Variants in CNTN5 observed in about 807,000 individuals in gnomAD.
The protein encoded by CNTN5 is contactin 5.
In CNTN5, 77 loss-of-function variants were observed where a neutral mutation model predicts 129.1. The observed-to-expected ratio is 0.60, with a 90% CI of 0.50 to 0.72. CNTN5 has a LOEUF of 0.72. Among genes scored for constraint, CNTN5 ranks in the 30% least tolerant of loss-of-function variants. The pLI is 0.00. For missense variants in CNTN5, 1,478 were observed against 1,328.8 expected (o/e 1.11, Z -1.75); for synonymous variants, 509 against 465.6 (o/e 1.09, Z -1.20).
intron 3 of CNTN5, among the ~76,000 whole-genome samples, chr11:99,665,478 A>ATTTTTTTTTTTTTTTTTTTTTTTTTTTTT (rs34435537): frequency 1.5e-5 from 1 of 65,920 alleles, no homozygotes; most frequent in African/African-American, 5.1e-5. Context: ...TGAAACTACA[A>ATTTTTTTTTTTTTTTTTTTTTTTTTTTTT]TTTTTTTTTT....
chr11:100,198,528 T>G (rs543133891), intron 15 of CNTN5, among the ~76,000 whole-genome samples: 5 of 151,792 alleles, frequency 3.3e-5, no homozygotes, highest in Non-Finnish European at 7.4e-5. Flanking sequence ...AGCATTAGAA[T>G]AGTCAAAGAA....
intron 3 of CNTN5, among the ~76,000 whole-genome samples, chr11:99,624,020 C>G (rs1951045208): frequency 6.6e-6 from 1 of 152,018 alleles, no homozygotes; most frequent in Non-Finnish European, 1.5e-5. Context: ...AATTGTATCT[C>G]AATATACTAA....
At position 100,335,761 on chromosome 11, in the gene CNTN5, C is replaced by A. The variant is rs530978630; in HGVS notation, c.2731-4702C>A. Among the ~76,000 whole-genome samples the A allele has an allele frequency of 9.3e-5, 13 of 140,098 alleles. No individual in the cohort carries two copies. In the East Asian group the frequency reaches 2.5e-3, roughly 27 times the overall value. 91.9% of individuals were successfully genotyped at this position (140,098 alleles called of 152,430 possible). A position where few individuals can be genotyped will look rare whatever the true frequency, so the allele number is the denominator to read the frequency against. On this transcript the variant is annotated intron_variant, in intron 21 of 24. Transcript: ENST00000524871. ...CCAGCCTGGGCAATAGCGTGAGACT[C>A]CATCTCAAAAAAAAAAAGCCATTCT...
At chr11:100,084,758 A>G (rs761047643) in intron 13 of CNTN5, among the ~76,000 whole-genome samples, 2 of 152,092 alleles carry the variant, frequency 1.3e-5, no homozygotes, top group Admixed American at 6.6e-5. Flanking sequence ...TTACTATGTT[A>G]TTAGTTAATA....
chr11:99,664,652 A>C (rs2135927707), intron 3 of CNTN5, among the ~76,000 whole-genome samples: 1 of 152,358 alleles, frequency 6.6e-6, no homozygotes, highest in African/African-American at 2.4e-5. Context: ...TAAGGAACAA[A>C]TACTTTGTTG....
At chr11:99,814,078 A>G (rs111399665) in intron 3 of CNTN5, among the ~76,000 whole-genome samples, 2 of 152,300 alleles carry the variant, frequency 1.3e-5, no homozygotes, top group African/African-American at 4.8e-5. Context: ...CATTCTAACA[A>G]GCATACAAAA....
chr11:100,264,546 G>T (rs977078439), intron 17 of CNTN5, among the ~76,000 whole-genome samples: 1 of 152,094 alleles, frequency 6.6e-6, no homozygotes, highest in Non-Finnish European at 1.5e-5. Flanking sequence ...CCACGTCCTG[G>T]CAAAGGATGT....
At chr11:99,467,637 AAG>A (rs1944998303) in intron 2 of CNTN5, among the ~76,000 whole-genome samples, 1 of 152,116 alleles carries the variant, frequency 6.6e-6, no homozygotes, top group South Asian at 2.1e-4. Flanking sequence ...TTTACTAAAA[AAG>A]AGAGCCCCAC....
At chr11:99,976,073 G>C (rs2137329956) in intron 8 of CNTN5, among the ~76,000 whole-genome samples, 1 of 152,344 alleles carries the variant, frequency 6.6e-6, no homozygotes, top group South Asian at 2.1e-4. Context: ...TCATAACCAA[G>C]GGGCTACAGG....
chr11:100,331,101 G>A (rs1273529100), intron 21 of CNTN5, among the ~76,000 whole-genome samples: 1 of 152,048 alleles, frequency 6.6e-6, no homozygotes, highest in Admixed American at 6.6e-5. Flanking sequence ...CCTAACACAT[G>A]AGGACTCATA....
chr11:99,900,187 CTT>C (rs71050031), intron 6 of CNTN5, among the ~76,000 whole-genome samples: 2 of 144,224 alleles, frequency 1.4e-5, no homozygotes. Context: ...TTCTTTTTAT[CTT>C]TTTTTTTTTG....
chr11:99,774,771 G>A lies in CNTN5; in HGVS notation c.56-44773G>A, dbSNP rs1023288813. Among the ~76,000 whole-genome samples, 4 of 151,868 alleles carry A rather than the reference G, an allele frequency of 2.6e-5. No individual in the cohort carries two copies. The East Asian group carries it at 5.8e-4, about 22-fold the overall frequency. Reference sequence around the variant, plus strand: ...TATGAATGAGCAATGTTTCAGTTCCGTTAGAAACATGACTCTTTTCTGGCT... The same window carrying A: ...TATGAATGAGCAATGTTTCAGTTCCATTAGAAACATGACTCTTTTCTGGCT... On this transcript the variant is annotated intron_variant, in intron 3 of 24. Transcript: ENST00000524871.
chr11:100,352,293 C>CA (rs1394139740), intron 24 of CNTN5, among the ~76,000 whole-genome samples: 5 of 151,594 alleles, frequency 3.3e-5, no homozygotes, highest in Non-Finnish European at 7.4e-5. Context: ...GGATAAGGAA[C>CA]ATTATTGATA....
At chr11:99,849,314 T>C (rs80103250) in intron 6 of CNTN5, among the ~76,000 whole-genome samples, 8,759 of 151,854 alleles carry the variant, frequency 0.058, 340 homozygotes, top group Middle Eastern at 0.13. Context: ...TTAGTATCAT[T>C]AAAGTCACAT....
chr11:99,586,360 G>A (rs913647982), intron 3 of CNTN5, among the ~76,000 whole-genome samples: 16 of 151,972 alleles, frequency 1.1e-4, no homozygotes, highest in Non-Finnish European at 2.2e-4. Flanking sequence ...TCAGCATAAT[G>A]GCTAAAGGAC....
intron 2 of CNTN5, among the ~76,000 whole-genome samples, chr11:99,368,336 A>G (rs1939589524): frequency 6.6e-6 from 1 of 152,068 alleles, no homozygotes; most frequent in Non-Finnish European, 1.5e-5. Context: ...GTACACAGTT[A>G]TTTTAACTTT....
At chr11:99,162,211 A>G (rs952034488) in intron 1 of CNTN5, among the ~76,000 whole-genome samples, 17 of 151,994 alleles carry the variant, frequency 1.1e-4, no homozygotes, top group Non-Finnish European at 2.4e-4. Flanking sequence ...GCTTCTGTGC[A>G]TAAGACCCAG....
chr11:100,216,499 G>T (rs533112273), intron 15 of CNTN5, among the ~76,000 whole-genome samples: 2 of 151,836 alleles, frequency 1.3e-5, no homozygotes, highest in East Asian at 1.9e-4. Flanking sequence ...TTCCACTAAA[G>T]CTGTGTTATT....
chr11:99,368,904 CA>C (rs2136126693), intron 2 of CNTN5, among the ~76,000 whole-genome samples: 1 of 151,882 alleles, frequency 6.6e-6, no homozygotes, highest in South Asian at 2.1e-4. Flanking sequence ...TGAGTTAGTG[CA>C]AAAACACTGG....
Sources: allele counts gnomAD v4.1 joint callset (sites outside exome capture counted in the v4.1 genomes callset), GRCh38; gene constraint gnomAD v4.1.1; transcripts MANE v1.5; gene names NCBI Gene and HGNC (gene_info 2026-07-23, HGNC 2026-07-21).